Variants in IFNAR2 observed in about 807,000 individuals in gnomAD.
IFNAR2 encodes interferon alpha/beta receptor 2.
Under a neutral mutation model 49.4 loss-of-function variants are expected in IFNAR2, and 30 were observed. The observed-to-expected ratio is 0.61, with a 90% confidence interval of 0.45 to 0.82. The LOEUF is 0.82. IFNAR2 is among the 40% of genes least tolerant of loss of function. The probability of loss-of-function intolerance (pLI) is 0.00; values close to 1 mark genes in which losing one functional copy is unlikely to be tolerated. For missense variants in IFNAR2, 600 were observed against 622.7 expected, an observed-to-expected ratio of 0.96 and a Z score of 0.39; for synonymous variants, 224 against 234.5, an observed-to-expected ratio of 0.96 and a Z score of 0.41.
In IFNAR2 at chr21:33,252,081, C is replaced by CATCCATCTATCTATCT. The variant is rs368974474; in HGVS notation, c.541-578_541-577insCATCTATCTATCTATC. On this transcript the variant is annotated intron_variant, in intron 6 of 8. Coordinates refer to ENST00000342136, the MANE Select transcript of IFNAR2 (RefSeq NM_001289125.3). ...CTGGGCAACAGAGTGAGACCCCATC[C>CATCCATCTATCTATCT]ATCTATCTATCTATCTATCTATCTA... 8.9e-4 allele frequency: 341 copies of CATCCATCTATCTATCT among 381,076 alleles called. 2 individuals carry two copies. The highest frequency in any genetic ancestry group is 6.9e-3 in the African/African-American group (304 of 44,280). The allele number at this position is 381,076 out of a possible 1,614,324, so 23.6% of individuals were successfully genotyped here. A position where few individuals can be genotyped will look rare whatever the true frequency, so the allele number is the denominator to read the frequency against.
In IFNAR2 at chr21:33,230,760, G is replaced by C. The variant is rs1985997863; in HGVS notation, c.-84+544G>C. ...CTACACCCCTCCGGATCCGCTGCGTGGAGGCAGGAGGGGGAAGGGGCGAGG... is the reference window on the plus strand; with the variant it reads ...CTACACCCCTCCGGATCCGCTGCGTCGAGGCAGGAGGGGGAAGGGGCGAGG... On this transcript the variant is annotated intron_variant, in intron 1 of 8. Coordinates refer to ENST00000342136, the MANE Select transcript of IFNAR2 (RefSeq NM_001289125.3). This position sits in a 1 kb window ranked among gnomAD's most constrained non-coding sequence, Gnocchi z 5.5. 6.6e-6 allele frequency among the ~76,000 whole-genome samples: 1 copy of C among 152,202 alleles called. No homozygotes were observed. Among genetic ancestry groups the C allele is most frequent in the Non-Finnish European group, 1.5e-5 (1 of 68,038 alleles).
At chr21:33,233,178 G>A (rs1986185126) in intron 1 of IFNAR2, among the ~76,000 whole-genome samples, 1 of 152,106 alleles carries the variant, frequency 6.6e-6, no homozygotes, top group Admixed American at 6.5e-5. Context: ...TAAGTCAGGA[G>A]AAAGAACAGA....
chr21:33,261,877 A>G (rs1048872535), intron 8 of IFNAR2, among the ~76,000 whole-genome samples: 2 of 152,158 alleles, frequency 1.3e-5, no homozygotes, highest in African/African-American at 4.8e-5. Flanking sequence ...CCCTAGCTCT[A>G]AAAATATATA....
rs530651935 is a variant in IFNAR2 at position 33,247,695 on chromosome 21, T to G, written c.394+805T>G. Among the ~76,000 whole-genome samples, 180 of 152,320 alleles carry G rather than the reference T, an allele frequency of 1.2e-3. 1 individual carries two copies. Among genetic ancestry groups the G allele is most frequent in the African/African-American group, 3.9e-3 (162 of 41,570 alleles). On this transcript the variant is annotated intron_variant, in intron 5 of 8. Transcript: ENST00000342136. ...AGAACAGGCCTACCCCTTCTTTCTTTCCCTGTGACTCAAGTCAGTTCCCTA... is the reference window on the plus strand; with the variant it reads ...AGAACAGGCCTACCCCTTCTTTCTTGCCCTGTGACTCAAGTCAGTTCCCTA...
chr21:33,230,687 C>G lies in IFNAR2; in HGVS notation c.-84+471C>G. ...CCTTGAGGTCCCCTGGGATTAGCCCCCCTCGACCTGCGTCAGGGTCACAGA... is the reference window on the plus strand; with the variant it reads ...CCTTGAGGTCCCCTGGGATTAGCCCGCCTCGACCTGCGTCAGGGTCACAGA... On this transcript the variant is annotated intron_variant, in intron 1 of 8. Coordinates refer to ENST00000342136, the MANE Select transcript of IFNAR2 (RefSeq NM_001289125.3). The surrounding 1 kb of genome is among the most constrained non-coding windows in gnomAD (Gnocchi z 5.5). The G allele has an allele frequency of 2.3e-6, 1 of 438,256 alleles. No homozygotes were observed. Among genetic ancestry groups the G allele is most frequent in the South Asian group, 1.7e-5 (1 of 60,234 alleles). The allele number at this position is 438,256 out of a possible 1,614,324, so 27.1% of individuals were successfully genotyped here.
chr21:33,240,011 G>A (rs1278515460), intron 1 of IFNAR2, among the ~76,000 whole-genome samples: 1 of 144,524 alleles, frequency 6.9e-6, no homozygotes. Context: ...CAGGCCCAGA[G>A]TGGTCACAGC....
chr21:33,252,966 T>C (rs1987965107), intron 7 of IFNAR2, 136 bp downstream of exon 7: 3 of 757,738 alleles, frequency 4.0e-6, no homozygotes, highest in Non-Finnish European at 4.7e-6. Flanking sequence ...CTCACAGAGA[T>C]GTTTTCTGTT....
intron 1 of IFNAR2, among the ~76,000 whole-genome samples, chr21:33,236,470 GT>G (rs1403647511): frequency 1.3e-5 from 2 of 152,180 alleles, no homozygotes; most frequent in Non-Finnish European, 2.9e-5. Flanking sequence ...TGGGTCAAGA[GT>G]GACCCAGAGA....
In IFNAR2 at chr21:33,229,999, G is replaced by A; in HGVS notation, c.-301G>A. The A allele has an allele frequency of 1.0e-6, 1 of 984,664 alleles. No individual in the cohort carries two copies. The highest frequency in any genetic ancestry group is 1.2e-6 in the Non-Finnish European group (1 of 829,700). 61.0% of individuals were successfully genotyped at this position (984,664 alleles called of 1,614,324 possible). On this transcript the variant is annotated 5_prime_UTR_variant, in exon 1 of 9. Transcript: ENST00000342136. ...CCCGCACTAAAGACGCTTCTTCCCG[G>A]CGGGTAGGAATCCCGCCGGCGAGCC...
At chr21:33,232,162 T>C (rs1332640581) in intron 1 of IFNAR2, among the ~76,000 whole-genome samples, 1 of 152,244 alleles carries the variant, frequency 6.6e-6, no homozygotes, top group Non-Finnish European at 1.5e-5. Context: ...CATTCTGATT[T>C]CAGAAATTCT....
At chr21:33,242,781 G>A (rs1268525863) in intron 2 of IFNAR2, among the ~76,000 whole-genome samples, 2,141 of 39,094 alleles carry the variant, frequency 0.055, 144 homozygotes, top group African/African-American at 0.19. Context: ...GTGTGTGTGT[G>A]TGTGTGTGTG....
At chr21:33,252,339 C>T in intron 6 of IFNAR2, 1 of 655,634 alleles carries the variant, frequency 1.5e-6, no homozygotes, top group Non-Finnish European at 2.3e-6. Context: ...ACACACTGTC[C>T]ATGAGAGAAG....
chr21:33,239,240 T>C (rs12482193), intron 1 of IFNAR2, among the ~76,000 whole-genome samples: 43,369 of 152,030 alleles, frequency 0.29, 6,851 homozygotes, highest in East Asian at 0.58. Context: ...CTATGGCTTC[T>C]GGTTGTGTTC....
At chr21:33,257,913 G>A (rs1312453542) in intron 7 of IFNAR2, among the ~76,000 whole-genome samples, 1 of 152,152 alleles carries the variant, frequency 6.6e-6, no homozygotes, top group Non-Finnish European at 1.5e-5. Flanking sequence ...AGGGAGATGT[G>A]GTAAGCAGAA....
Position 33,262,454 on chromosome 21 carries a change from C to A in IFNAR2, c.841-339C>A, listed in dbSNP as rs991338944. ...TATATATAAAGCACCAAGAGTCATGCCCAGCATATAGTAAGCATGGTGTAA... is the reference window on the plus strand; with the variant it reads ...TATATATAAAGCACCAAGAGTCATGACCAGCATATAGTAAGCATGGTGTAA... On this transcript the variant is annotated intron_variant, in intron 8 of 8. Transcript: ENST00000342136. 9.7e-6 allele frequency: 6 copies of A among 616,696 alleles called. No individual in the cohort carries two copies. The African/African-American group carries it at 1.1e-4, about 11-fold the overall frequency. 38.2% of individuals were successfully genotyped at this position (616,696 alleles called of 1,614,324 possible). A position where few individuals can be genotyped will look rare whatever the true frequency, so the allele number is the denominator to read the frequency against.
chr21:33,244,236 CT>C (rs1231313119), intron 3 of IFNAR2, among the ~76,000 whole-genome samples: 1 of 152,168 alleles, frequency 6.6e-6, no homozygotes, highest in Non-Finnish European at 1.5e-5. Context: ...CCACAGGAAA[CT>C]TCAGTGATCT....
chr21:33,244,688 G>A (rs1237589174), intron 3 of IFNAR2, among the ~76,000 whole-genome samples: 1 of 152,200 alleles, frequency 6.6e-6, no homozygotes, highest in Non-Finnish European at 1.5e-5. Context: ...GGGCATCGGA[G>A]AAGCCCTTCT....
At chr21:33,243,107 A>T (rs993598157) in intron 2 of IFNAR2, among the ~76,000 whole-genome samples, 3 of 147,906 alleles carry the variant, frequency 2.0e-5, no homozygotes, top group African/African-American at 7.5e-5. Context: ...TTTTTTAGAC[A>T]GAGTCTCCCT....
chr21:33,252,288 G>A (rs540606708), intron 6 of IFNAR2: 2 of 456,152 alleles, frequency 4.4e-6, no homozygotes, highest in East Asian at 7.4e-5. Context: ...AGTCAAAAGG[G>A]TTAATGTTTA....
Sources: gnomAD v4.1 joint callset for allele counts (sites outside exome capture counted in the v4.1 genomes callset) on GRCh38, gnomAD v4.1.1 for gene constraint, Gnocchi (gnomAD v3.1) non-coding constraint, MANE v1.5 for transcripts, NCBI Gene and HGNC (gene_info 2026-07-23, HGNC 2026-07-21) for gene names.